The following DCAF13 variants were observed in gnomAD, a reference collection of about 807,000 sequenced individuals.
The protein encoded by DCAF13 is DDB1- and CUL4-associated factor 13.
DCAF13 carries 38 observed loss-of-function variants against 59.0 expected under a neutral mutation model. The observed-to-expected ratio is 0.64, with a 90% confidence interval of 0.50 to 0.84. The LOEUF (loss-of-function observed/expected upper bound fraction) is 0.84. Ranked by LOEUF, DCAF13 falls within the 40% of genes least tolerant of loss-of-function variation. DCAF13 has a pLI of 0.00. For missense variants in DCAF13, 469 were observed against 558.4 expected, an observed-to-expected ratio of 0.84 and a Z score of 1.61; for synonymous variants, 173 against 175.0, an observed-to-expected ratio of 0.99 and a Z score of 0.09.
At position 103,426,131 on chromosome 8, in the gene DCAF13, A is replaced by G. The variant is rs1816790186; in HGVS notation, c.454A>G (p.Thr152Ala). 1.2e-6 allele frequency: 2 copies of G among 1,609,002 alleles called. No individual in the cohort carries two copies. The highest frequency in any genetic ancestry group is 4.5e-5 in the East Asian group (2 of 44,726). Residue 152 changes from threonine (T) to alanine (A), a missense_variant, in exon 4 of 11, where the codon ACA becomes GCA. Transcript: ENST00000612750. ...TGGAGACGAGGAAGAGCCATTACAT[A>G]CAATATTAGGAAAGGTACAAAAGTA... Reference protein sequence around the residue: ...GYGDEEEPLHTILGKTVYTGI... With the variant: ...GYGDEEEPLHAILGKTVYTGI...
intron 1 of DCAF13, among the ~76,000 whole-genome samples, chr8:103,415,871 T>A (rs974538698): frequency 1.3e-5 from 2 of 152,234 alleles, no homozygotes; most frequent in Non-Finnish European, 2.9e-5. Context: ...TTAAACAGGC[T>A]TTTAAAACCT....
intron 4 of DCAF13, among the ~76,000 whole-genome samples, chr8:103,426,880 AC>A (rs1269113026): frequency 6.6e-6 from 1 of 152,124 alleles, no homozygotes; most frequent in Non-Finnish European, 1.5e-5. Context: ...GTAGTTGGAA[AC>A]ACGTTAGTAA....
chr8:103,420,661 T>G (rs138800866), intron 2 of DCAF13, 198 bp downstream of exon 2: 2 of 599,570 alleles, frequency 3.3e-6, no homozygotes, highest in Non-Finnish European at 5.7e-6. Flanking sequence ...AAGGATCAAT[T>G]TGACAGTAAA....
intron 5 of DCAF13, 166 bp downstream of exon 5, chr8:103,427,418 C>A: frequency 1.6e-6 from 1 of 633,656 alleles, no homozygotes; most frequent in Non-Finnish European, 2.7e-6. Flanking sequence ...GCTCAAATCC[C>A]AACATGTTTC....
chr8:103,427,427 T>C, intron 5 of DCAF13, 175 bp downstream of exon 5: 2 of 625,402 alleles, frequency 3.2e-6, no homozygotes, highest in South Asian at 4.2e-5. Flanking sequence ...CCAACATGTT[T>C]CCCAGCAGTT....
At position 103,421,083 on chromosome 8, in the gene DCAF13, G is replaced by A; in HGVS notation, c.378+1G>A. The A allele has an allele frequency of 6.4e-7, 1 of 1,563,916 alleles. No homozygotes were observed. The highest frequency in any genetic ancestry group is 1.1e-5 in the South Asian group (1 of 90,086). On this transcript the variant is annotated splice_donor_variant, in intron 3 of 10. Transcript: ENST00000612750. LOFTEE classifies it high-confidence loss of function. The stretch of plus-strand genomic sequence containing the variant: ...CTTTTGTGGGACTTCTTTTTTCACT[G>A]TAAGTATAATACCATTAAGTCATTA...
At position 103,418,861 on chromosome 8, in the gene DCAF13, TATATA is replaced by T. The variant is rs1403196363; in HGVS notation, c.71-1402_71-1398del. 7.3e-4 allele frequency among the ~76,000 whole-genome samples: 24 copies of T among 32,758 alleles called. 1 individual carries two copies. The highest frequency in any genetic ancestry group is 1.0e-3 in the South Asian group (1 of 1,002). 21.5% of individuals were successfully genotyped at this position (32,758 alleles called of 152,430 possible). On this transcript the variant is annotated intron_variant, in intron 1 of 10. Transcript: ENST00000612750. The stretch of plus-strand genomic sequence containing the variant: ...ATATATATATATATATATATATATA[TATATA>T]TTTTTTTTTTTTTTTTTTTTTTTTT...
Position 103,430,646 on chromosome 8 carries a change from A to G in DCAF13, c.659A>G (p.Asn220Ser). ...FLLGSCASDR[N>S]IVLYDMRQAT... is the part of the protein sequence containing the mutation. ...TTGGGAAGTTGTGCATCTGACAGGAATATAGTACTGTACGATATGAGGCAA... is the reference window on the plus strand; with the variant it reads ...TTGGGAAGTTGTGCATCTGACAGGAGTATAGTACTGTACGATATGAGGCAA... Residue 220 changes from asparagine to serine, a missense_variant, in exon 6 of 11, where the codon AAT (asparagine) becomes AGT (serine). Asn to Ser is a conservative substitution (Grantham distance 46). Around this residue, in one of 3 missense-constraint regions of DCAF13, gnomAD observed 355 missense variants for 399.1 expected, o/e 0.89. Transcript: ENST00000612750. 2 of 1,611,846 alleles carry G rather than the reference A, an allele frequency of 1.2e-6. No homozygotes were observed. The highest frequency in any genetic ancestry group is 1.7e-6 in the Non-Finnish European group (2 of 1,178,948).
chr8:103,422,928 T>G (rs1337827883), intron 3 of DCAF13, among the ~76,000 whole-genome samples: 2 of 152,038 alleles, frequency 1.3e-5, no homozygotes, highest in Non-Finnish European at 2.9e-5. Flanking sequence ...AAAAAGAAAA[T>G]AGACTAATTT....
chr8:103,439,094 G>A (rs943574590), intron 8 of DCAF13, among the ~76,000 whole-genome samples: 1 of 151,966 alleles, frequency 6.6e-6, no homozygotes, highest in Non-Finnish European at 1.5e-5. Flanking sequence ...TGCAAGCTCC[G>A]CCTCCTGGGT....
intron 3 of DCAF13, among the ~76,000 whole-genome samples, chr8:103,422,595 T>C (rs192741966): frequency 1.3e-5 from 2 of 152,264 alleles, no homozygotes; most frequent in East Asian, 1.9e-4. Context: ...ATTTTAGAAA[T>C]GTAGAGATGT....
In DCAF13 at chr8:103,423,738, C is replaced by T. The variant is rs562497018; in HGVS notation, c.379-2318C>T. Among the ~76,000 whole-genome samples, 9 of 152,290 alleles carry T rather than the reference C, an allele frequency of 5.9e-5. No homozygotes were observed. The South Asian group carries it at 1.9e-3, about 32-fold the overall frequency. The stretch of plus-strand genomic sequence containing the variant: ...TAATTAGCTTGGTTTATCCATTCCA[C>T]AGTGTCTACGTGTATCAAAACACAA... On this transcript the variant is annotated intron_variant, in intron 3 of 10. Transcript: ENST00000612750.
chr8:103,441,932 A>C, intron 10 of DCAF13: 1 of 225,078 alleles, frequency 4.4e-6, no homozygotes, highest in Non-Finnish European at 8.7e-6. Flanking sequence ...TGCGCGGCTA[A>C]TTTTTTGTAT....
At chr8:103,416,310 T>C (rs562493127) in intron 1 of DCAF13, among the ~76,000 whole-genome samples, 6 of 152,360 alleles carry the variant, frequency 3.9e-5, no homozygotes, top group Non-Finnish European at 5.9e-5. Flanking sequence ...AATAAGTCTC[T>C]GCTCAAAAGA....
At chr8:103,436,477 G>A (rs1456679006) in intron 8 of DCAF13, among the ~76,000 whole-genome samples, 1 of 152,096 alleles carries the variant, frequency 6.6e-6, no homozygotes, top group African/African-American at 2.4e-5. Flanking sequence ...CATTTTGTAA[G>A]CACATAGAGT....
At position 103,420,380 on chromosome 8, in the gene DCAF13, G is replaced by A. The variant is rs543023582; in HGVS notation, c.187G>A (p.Asp63Asn). 25 of 1,613,994 alleles carry A rather than the reference G, an allele frequency of 1.5e-5. No individual in the cohort carries two copies. The highest frequency in any genetic ancestry group is 1.9e-5 in the Non-Finnish European group (23 of 1,180,028). Residue 63 changes from aspartate to asparagine, a missense_variant, in exon 2 of 11, where the codon GAT (aspartate) becomes AAT (asparagine). Asp to Asn is a conservative substitution (Grantham distance 23). Transcript: ENST00000612750. Reference sequence around the variant, plus strand: ...TGCAAAACCATTCCTTGCTTCGCTGGATGGTCACCGTGATGGAGTCAATTG... The same window carrying A: ...TGCAAAACCATTCCTTGCTTCGCTGAATGGTCACCGTGATGGAGTCAATTG... ...VFAKPFLASL[D>N]GHRDGVNCLA...
Position 103,420,957 on chromosome 8 carries a change from TG to T in DCAF13, c.271-16del. On this transcript the variant is annotated splice_polypyrimidine_tract_variant and intron_variant, in intron 2 of 10. Coordinates refer to ENST00000612750, the MANE Select transcript of DCAF13 (RefSeq NM_015420.7). ...ACATTTATAGTTCACTGAAATTTCC[TG>T]GTATGCCTTATCATAGGTTAGAATT... The T allele has an allele frequency of 6.1e-6, 9 of 1,464,896 alleles. No homozygotes were observed. The highest frequency in any genetic ancestry group is 8.6e-6 in the Non-Finnish European group (9 of 1,044,622). The allele number at this position is 1,464,896 out of a possible 1,614,324, so 90.7% of individuals were successfully genotyped here. A position where few individuals can be genotyped will look rare whatever the true frequency, so the allele number is the denominator to read the frequency against.
Position 103,415,421 on chromosome 8 carries a change from G to A in DCAF13, c.-26G>A, listed in dbSNP as rs1586122305. 1.9e-6 allele frequency: 3 copies of A among 1,614,016 alleles called. No homozygotes were observed. Among genetic ancestry groups the A allele is most frequent in the Non-Finnish European group, 2.5e-6 (3 of 1,180,048 alleles). ...GCGGAACTCCTAGCGGACACCTCGT[G>A]GAGTCCGGCCGGAAGAGCAACCGAG... On this transcript the variant is annotated 5_prime_UTR_variant, in exon 1 of 11. Transcript: ENST00000612750.
chr8:103,417,221 T>C (rs1039908643), intron 1 of DCAF13, among the ~76,000 whole-genome samples: 4 of 152,186 alleles, frequency 2.6e-5, no homozygotes, highest in African/African-American at 4.8e-5. Context: ...GTTAATACAG[T>C]ACAGTGCGAA....
Sources: allele counts gnomAD v4.1 joint callset (sites outside exome capture counted in the v4.1 genomes callset), GRCh38; gene constraint gnomAD v4.1.1; regional missense constraint gnomAD v4.1.1; transcripts MANE v1.5; gene names NCBI Gene and HGNC (gene_info 2026-07-23, HGNC 2026-07-21).